ITPKB: variants seen among roughly 807,000 people sequenced by gnomAD.
ITPKB encodes inositol-trisphosphate 3-kinase B.
ITPKB carries 13 observed loss-of-function variants against 69.4 expected under a neutral mutation model. The ratio of observed to expected loss-of-function variants is 0.19; its 90% CI spans 0.12 to 0.30. ITPKB has a LOEUF of 0.30. Among genes scored for constraint, ITPKB ranks in the 10% least tolerant of loss-of-function variants. The pLI is 1.00. For missense variants in ITPKB, 1,240 were observed against 1,250.5 expected, an observed-to-expected ratio of 0.99 and a Z score of 0.13; for synonymous variants, 584 against 513.7, an observed-to-expected ratio of 1.14 and a Z score of -1.85.
At chr1:226,696,099 C>T (rs1656478227) in intron 2 of ITPKB, among the ~76,000 whole-genome samples, 1 of 152,200 alleles carries the variant, frequency 6.6e-6, no homozygotes, top group Admixed American at 6.5e-5. Context: ...ATTAATGCCC[C>T]TACCTGGGAA....
Position 226,641,401 on chromosome 1 carries a change from T to C in ITPKB, c.2451+520A>G, listed in dbSNP as rs1210714887. Reference sequence around the variant, plus strand: ...TTACATTTACTTATAAAGTTTGTCATGTTGTTTCTTTGGAGCTTATGTTTC... The same window carrying C: ...TTACATTTACTTATAAAGTTTGTCACGTTGTTTCTTTGGAGCTTATGTTTC... On this transcript the variant is annotated intron_variant, in intron 5 of 7. Transcript: ENST00000429204. The surrounding 1 kb of genome is among the most constrained non-coding windows in gnomAD (Gnocchi z 4.6). Among the ~76,000 whole-genome samples the C allele has an allele frequency of 6.6e-6, 1 of 152,250 alleles. No homozygotes were observed. The highest frequency in any genetic ancestry group is 1.5e-5 in the Non-Finnish European group (1 of 68,044).
intron 2 of ITPKB, among the ~76,000 whole-genome samples, chr1:226,658,898 C>T (rs916336668): frequency 4.6e-5 from 7 of 152,152 alleles, no homozygotes; most frequent in African/African-American, 1.4e-4. Context: ...AGGGGCTACA[C>T]GAACCAGCTC....
At chr1:226,727,051 AG>A (rs1342538545) in intron 2 of ITPKB, among the ~76,000 whole-genome samples, 1 of 152,220 alleles carries the variant, frequency 6.6e-6, no homozygotes, top group Non-Finnish European at 1.5e-5. Context: ...AGGTTAGATA[AG>A]GATTACAGAA....
intron 2 of ITPKB, chr1:226,707,235 G>A (rs1051128938): frequency 5.2e-6 from 2 of 384,326 alleles, no homozygotes; most frequent in Non-Finnish European, 7.1e-6. Context: ...TAGCTCTTTC[G>A]CCCAGGCTGG....
chr1:226,684,382 C>G (rs890224292), intron 2 of ITPKB, among the ~76,000 whole-genome samples: 1 of 152,214 alleles, frequency 6.6e-6, no homozygotes, highest in Non-Finnish European at 1.5e-5. Flanking sequence ...AACCTGTGCA[C>G]CCCACCATCC....
At chr1:226,719,615 C>T (rs751117348) in intron 2 of ITPKB, among the ~76,000 whole-genome samples, 1 of 152,234 alleles carries the variant, frequency 6.6e-6, no homozygotes, top group Non-Finnish European at 1.5e-5. Context: ...AGGCAGGTAA[C>T]TCAACTCGAT....
At chr1:226,658,226 C>G (rs1669333040) in intron 2 of ITPKB, among the ~76,000 whole-genome samples, 1 of 152,202 alleles carries the variant, frequency 6.6e-6, no homozygotes, top group Non-Finnish European at 1.5e-5. Flanking sequence ...TGGGGAAAAG[C>G]CTGGTGCTTC....
chr1:226,650,784 CAG>C (rs1216913105), intron 2 of ITPKB, among the ~76,000 whole-genome samples: 1 of 152,206 alleles, frequency 6.6e-6, no homozygotes, highest in African/African-American at 2.4e-5. Context: ...ATGTCCCTAT[CAG>C]GGGAGAACAC....
chr1:226,729,563 G>A (rs926577269), intron 2 of ITPKB, among the ~76,000 whole-genome samples: 1 of 150,562 alleles, frequency 6.6e-6, no homozygotes, highest in African/African-American at 2.4e-5. Flanking sequence ...GGAAGCTATC[G>A]AAAAGTTTTT....
In ITPKB at chr1:226,637,522, G is replaced by A. The variant is rs1668863209; in HGVS notation, c.2625+157C>T. Reference sequence around the variant, plus strand: ...TGGTCACCCCAGGAAGCATTGAGACGCAGCTCCCCCGTGCAGCGAGGGTCT... The same window carrying A: ...TGGTCACCCCAGGAAGCATTGAGACACAGCTCCCCCGTGCAGCGAGGGTCT... On this transcript the variant is annotated intron_variant, in intron 7 of 7. Coordinates refer to ENST00000429204, the MANE Select transcript of ITPKB (RefSeq NM_002221.4). The surrounding 1 kb of genome is among the most constrained non-coding windows in gnomAD (Gnocchi z 4.3). 6.6e-6 allele frequency among the ~76,000 whole-genome samples: 1 copy of A among 152,226 alleles called. No homozygotes were observed. The highest frequency in any genetic ancestry group is 6.5e-5 in the Admixed American group (1 of 15,280).
chr1:226,723,346 G>C (rs1251774617), intron 2 of ITPKB, among the ~76,000 whole-genome samples: 1 of 152,200 alleles, frequency 6.6e-6, no homozygotes. Context: ...CTGGACCTGA[G>C]TCCCTGTGAA....
intron 2 of ITPKB, chr1:226,669,067 A>T (rs952506446): frequency 2.9e-4 from 44 of 152,230 alleles, no homozygotes; most frequent in African/African-American, 1.0e-3. Flanking sequence ...ATTATTATTT[A>T]TTTCTTAATT....
chr1:226,649,503 C>CGTGATATGTGCATGT (rs1669139945), intron 2 of ITPKB, among the ~76,000 whole-genome samples: 1 of 143,566 alleles, frequency 7.0e-6, no homozygotes, highest in African/African-American at 2.6e-5. Flanking sequence ...TGTGTGCATG[C>CGTGATATGTGCATGT]GTGATATGTG....
chr1:226,737,343 C>T lies in ITPKB; in HGVS notation c.116G>A (p.Arg39Lys), dbSNP rs751375947. ...AACGCTGCCGGGGCTCAGCACTGCC[C>T]TCCTCGGGGGCGGGGGCGTCTCGCT... is the stretch of plus-strand genomic sequence containing the variant. The part of the protein sequence containing the change: ...SGSETPPPPR[R>K]AVLSPGSVFS... The change falls in exon 2 of 8, where the codon AGG becomes AAG. Residue 39 changes from arginine (R) to lysine (K), a missense_variant. Arg to Lys is a conservative substitution (Grantham distance 26, BLOSUM62 2). This residue lies in a region of ITPKB where 992 missense variants were observed against 853.8 expected (regional missense o/e 1.16). Coordinates refer to ENST00000429204, the MANE Select transcript of ITPKB (RefSeq NM_002221.4). The T allele has an allele frequency of 2.3e-5, 37 of 1,603,454 alleles. No individual in the cohort carries two copies. The African/African-American group carries it at 4.3e-4, about 19-fold the overall frequency.
chr1:226,736,022 C>T lies in ITPKB; in HGVS notation c.1437G>A (p.Leu479=), dbSNP rs778538440. Residue 479 remains leucine, a synonymous_variant, in exon 2 of 8, where the codon TTG becomes TTA. Transcript: ENST00000429204. ...GIPSGRMLEP[L]PCWDAAKDLK... Reference sequence around the variant, plus strand: ...GATCTTTCGCAGCGTCCCAACAGGGCAAAGGCTCCAGCATTCTGCCAGAAG... The same window carrying T: ...GATCTTTCGCAGCGTCCCAACAGGGTAAAGGCTCCAGCATTCTGCCAGAAG... 4 of 1,613,666 alleles carry T rather than the reference C, an allele frequency of 2.5e-6. No homozygotes were observed. The Admixed American group carries it at 5.0e-5, about 20-fold the overall frequency.
chr1:226,666,584 G>A (rs1342207395), intron 2 of ITPKB, among the ~76,000 whole-genome samples: 2 of 152,114 alleles, frequency 1.3e-5, no homozygotes, highest in African/African-American at 2.4e-5. Context: ...CAGCTAAGGC[G>A]ATTCTGGAAC....
intron 4 of ITPKB, among the ~76,000 whole-genome samples, chr1:226,644,536 A>T (rs2102743052): frequency 6.6e-6 from 1 of 152,138 alleles, no homozygotes; most frequent in East Asian, 1.9e-4. Context: ...GACAGTGTTG[A>T]CTCTCCAGGA....
rs529554427 is a variant in ITPKB at position 226,637,600 on chromosome 1, C to T, written c.2625+79G>A. ...ACCACCCTGAAAATGCCCGATGCCC[C>T]GGGCTTCTGGAAGGAGAAGGAGAAG... On this transcript the variant is annotated intron_variant, in intron 7 of 7. Transcript: ENST00000429204. This position sits in a 1 kb window ranked among gnomAD's most constrained non-coding sequence, Gnocchi z 4.3. 945 of 1,167,760 alleles carry T rather than the reference C, an allele frequency of 8.1e-4. 9 individuals carry two copies. The South Asian group carries it at 0.011, about 14-fold the overall frequency. 72.3% of individuals were successfully genotyped at this position (1,167,760 alleles called of 1,614,324 possible).
Position 226,642,132 on chromosome 1 carries a change from G to T in ITPKB, c.2247-7C>A. 6.2e-7 allele frequency: 1 copy of T among 1,610,214 alleles called. No individual in the cohort carries two copies. On this transcript the variant is annotated splice_polypyrimidine_tract_variant and splice_region_variant and intron_variant, in intron 4 of 7. Transcript: ENST00000429204. This position sits in a 1 kb window ranked among gnomAD's most constrained non-coding sequence, Gnocchi z 6.4. ...CTCCTCCTCCAGGTAGGTCCTACGT[G>T]GGAGGGAAGGCGACATGAGGGCCGA...
Sources: gnomAD v4.1 joint callset for allele counts (sites outside exome capture counted in the v4.1 genomes callset) on GRCh38, gnomAD v4.1.1 for gene constraint, gnomAD v4.1.1 regional missense constraint, Gnocchi (gnomAD v3.1) non-coding constraint, MANE v1.5 for transcripts, NCBI Gene and HGNC (gene_info 2026-07-23, HGNC 2026-07-21) for gene names.